Variants in NIPSNAP3B observed in about 807,000 individuals in gnomAD.
NIPSNAP3B encodes nipsnap homolog 3B, also known as protein NipSnap homolog 3B.
In NIPSNAP3B, 30 loss-of-function variants were observed where a neutral mutation model predicts 31.5. The ratio of observed to expected loss-of-function variants is 0.95; its 90% confidence interval spans 0.71 to 1.29. The LOEUF is 1.29. NIPSNAP3B is among the 50% of genes most tolerant of loss of function. The probability of loss-of-function intolerance (pLI) is 0.00; values close to 1 mark genes in which losing one functional copy is unlikely to be tolerated. For synonymous variants in NIPSNAP3B, 106 were observed against 107.9 expected (o/e 0.98, Z 0.11); for missense variants, 269 against 300.7 (o/e 0.89, Z 0.78).
chr9:104,790,096 C>CAAA, the NIPSNAP3B span, among the ~76,000 whole-genome samples: 5 of 135,368 alleles, frequency 3.7e-5, no homozygotes, highest in African/African-American at 1.0e-4. Flanking sequence ...AACTCCGTCT[C>CAAA]AAAAAAAAAA....
intron 2 of NIPSNAP3B, among the ~76,000 whole-genome samples, chr9:104,767,361 G>C (rs1466772558): frequency 1.3e-5 from 2 of 152,050 alleles, no homozygotes; most frequent in Non-Finnish European, 2.9e-5. Flanking sequence ...GTTTAGTAGA[G>C]GAAAGAGAAC....
intron 4 of NIPSNAP3B, 55 bp from the exon 5 acceptor site, chr9:104,772,767 T>G (rs1828251447): frequency 6.5e-7 from 1 of 1,548,608 alleles, no homozygotes; most frequent in African/African-American, 1.4e-5. Flanking sequence ...TTTTCAATAT[T>G]TCTTATTTGC....
rs575441928 is a variant in NIPSNAP3B at position 104,777,153 on chromosome 9, C to T, written c.*4080C>T. Reference sequence around the variant, plus strand: ...GAAGAGAAACAGATATGCAACCAATCTGATTTGGTTCCACACCCTGCCACA... The same window carrying T: ...GAAGAGAAACAGATATGCAACCAATTTGATTTGGTTCCACACCCTGCCACA... On this transcript the variant is annotated 3_prime_UTR_variant, in exon 6 of 6. Coordinates refer to ENST00000374762, the MANE Select transcript of NIPSNAP3B (RefSeq NM_018376.4). 6.6e-6 allele frequency: 1 copy of T among 152,322 alleles called. No homozygotes were observed. Among genetic ancestry groups the T allele is most frequent in the South Asian group, 2.1e-4 (1 of 4,828 alleles). The allele number at this position is 152,322 out of a possible 1,614,324, so 9.4% of individuals were successfully genotyped here.
In NIPSNAP3B at chr9:104,776,723, A is replaced by G. The variant is rs1289215470; in HGVS notation, c.*3650A>G. ...TCTTTTTCTGTTATCACCATAATTA[A>G]TGTTTTACTTATATATGATTTGTTA... On this transcript the variant is annotated 3_prime_UTR_variant, in exon 6 of 6. Coordinates refer to ENST00000374762, the MANE Select transcript of NIPSNAP3B (RefSeq NM_018376.4). Among the ~76,000 whole-genome samples the G allele has an allele frequency of 6.6e-6, 1 of 152,188 alleles. No homozygotes were observed. The highest frequency in any genetic ancestry group is 1.5e-5 in the Non-Finnish European group (1 of 68,042).
At chr9:104,779,672 G>GT (rs1434870355), downstream of NIPSNAP3B, among the ~76,000 whole-genome samples, 1 of 148,784 alleles carries the variant, frequency 6.7e-6, no homozygotes, top group Admixed American at 6.7e-5. Context: ...AAAGTGCCAA[G>GT]TTTTTTGAAT....
At position 104,772,883 on chromosome 9, in the gene NIPSNAP3B, T is replaced by C. The variant is rs748541665; in HGVS notation, c.642T>C (p.His214=). Residue 214 remains histidine, a synonymous_variant, in exon 5 of 6, where the codon CAT becomes CAC. Transcript: ENST00000374762. ...GTGCAGCTGGGAGACATAAGTCCCA[T>C]GAGGATCCCAGAGTTGTGGCGGCTG... is the stretch of plus-strand genomic sequence containing the variant. ...DSRAAGRHKS[H]EDPRVVAAVR... is the part of the protein sequence containing the mutation. 4.3e-6 allele frequency: 7 copies of C among 1,613,706 alleles called. No homozygotes were observed. The highest frequency in any genetic ancestry group is 5.9e-6 in the Non-Finnish European group (7 of 1,179,812).
the NIPSNAP3B span, among the ~76,000 whole-genome samples, chr9:104,789,930 C>T: frequency 0.014 from 2,080 of 152,150 alleles, 21 homozygotes; most frequent in Non-Finnish European, 0.021. Flanking sequence ...CCCATCTCTA[C>T]TGAAAATACA....
downstream of NIPSNAP3B, among the ~76,000 whole-genome samples, chr9:104,777,935 AC>A (rs1483244134): frequency 6.6e-6 from 1 of 152,194 alleles, no homozygotes; most frequent in Non-Finnish European, 1.5e-5. Flanking sequence ...CTCTGTCTTA[AC>A]AAATTCAATA....
the NIPSNAP3B span, among the ~76,000 whole-genome samples, chr9:104,786,007 G>A: frequency 6.6e-6 from 1 of 152,076 alleles, no homozygotes; most frequent in Non-Finnish European, 1.5e-5. Context: ...CACCAGTACT[G>A]GCACATGTAA....
At position 104,764,252 on chromosome 9, in the gene NIPSNAP3B, C is replaced by G. The variant is rs756699905; in HGVS notation, c.12C>G (p.Leu4=). The G allele has an allele frequency of 1.2e-6, 2 of 1,601,510 alleles. No homozygotes were observed. Among genetic ancestry groups the G allele is most frequent in the Non-Finnish European group, 1.7e-6 (2 of 1,175,914 alleles). MLV[L]RSGLTKALAS... ...GCCGAAGCCGCGCCATGCTCGTTCTCAGAAGCGGCCTGACCAAGGCGCTTG... is the reference window on the plus strand; with the variant it reads ...GCCGAAGCCGCGCCATGCTCGTTCTGAGAAGCGGCCTGACCAAGGCGCTTG... The change falls in exon 1 of 6, where the codon CTC becomes CTG. Residue 4 remains leucine, a synonymous_variant. Transcript: ENST00000374762.
chr9:104,764,221 C>G lies in NIPSNAP3B; in HGVS notation c.-20C>G. 3.8e-6 allele frequency: 6 copies of G among 1,597,936 alleles called. No homozygotes were observed. Among genetic ancestry groups the G allele is most frequent in the Non-Finnish European group, 5.1e-6 (6 of 1,174,116 alleles). ...ACAAAGGACTCGGCTGGCTGCTTTT[C>G]TCAGTGCCGAAGCCGCGCCATGCTC... On this transcript the variant is annotated 5_prime_UTR_variant, in exon 1 of 6. Transcript: ENST00000374762.
rs1828285193 is a variant in NIPSNAP3B at position 104,774,112 on chromosome 9, C to CA, written c.*1040dup. On this transcript the variant is annotated 3_prime_UTR_variant, in exon 6 of 6. Coordinates refer to ENST00000374762, the MANE Select transcript of NIPSNAP3B (RefSeq NM_018376.4). ...TGGTACTTCCGATAGTGTATATTTA[C>CA]AGCTATATTATATTTACATTTTTAC... is the stretch of plus-strand genomic sequence containing the variant. The CA allele has an allele frequency of 6.6e-6, 1 of 152,166 alleles. No homozygotes were observed. The highest frequency in any genetic ancestry group is 1.5e-5 in the Non-Finnish European group (1 of 68,018). 9.4% of individuals were successfully genotyped at this position (152,166 alleles called of 1,614,324 possible).
chr9:104,789,212 T>C, the NIPSNAP3B span, among the ~76,000 whole-genome samples: 8 of 152,214 alleles, frequency 5.3e-5, no homozygotes, highest in Admixed American at 2.0e-4. Context: ...GAATTAGGAT[T>C]GAGGCACACG....
At chr9:104,770,595 T>C (rs1828194126) in intron 3 of NIPSNAP3B, among the ~76,000 whole-genome samples, 1 of 152,232 alleles carries the variant, frequency 6.6e-6, no homozygotes, top group African/African-American at 2.4e-5. Context: ...GTAGTTTATA[T>C]ATAGCTTCCA....
chr9:104,783,511 T>C, the NIPSNAP3B span: 1 of 152,260 alleles, frequency 6.6e-6, no homozygotes, highest in Non-Finnish European at 1.5e-5. Flanking sequence ...TGTTGATTCT[T>C]TGCCTCTTAC....
Position 104,777,379 on chromosome 9 carries a change from A to G in NIPSNAP3B, c.*4306A>G, listed in dbSNP as rs766318861. Reference sequence around the variant, plus strand: ...TAGGTTCATTAGAGACACCTCTTTCATAACTGCTGTCACCTAGAATGTCTA... The same window carrying G: ...TAGGTTCATTAGAGACACCTCTTTCGTAACTGCTGTCACCTAGAATGTCTA... On this transcript the variant is annotated 3_prime_UTR_variant, in exon 6 of 6. Transcript: ENST00000374762. 1.2e-4 allele frequency: 19 copies of G among 152,232 alleles called. No individual in the cohort carries two copies. The highest frequency in any genetic ancestry group is 2.5e-4 in the Non-Finnish European group (17 of 68,048). The allele number at this position is 152,232 out of a possible 1,614,324, so 9.4% of individuals were successfully genotyped here.
the NIPSNAP3B span, chr9:104,782,929 T>A: frequency 6.6e-6 from 1 of 152,472 alleles, no homozygotes; most frequent in South Asian, 2.1e-4. Flanking sequence ...TGTAAACCAG[T>A]GAGCTGAATA....
chr9:104,788,337 G>T, the NIPSNAP3B span: 27 of 1,567,838 alleles, frequency 1.7e-5, no homozygotes, highest in African/African-American at 8.1e-5. Flanking sequence ...AGGAAAAACA[G>T]CCTGAAGTCA....
At chr9:104,782,756 G>A (rs1037899781), downstream of NIPSNAP3B, 3 of 151,632 alleles carry the variant, frequency 2.0e-5, no homozygotes, top group African/African-American at 7.3e-5. Context: ...GTGTTTTTCA[G>A]CAAGTTTTCA....
Sources: gnomAD v4.1 joint callset for allele counts (sites outside exome capture counted in the v4.1 genomes callset) on GRCh38, gnomAD v4.1.1 for gene constraint, MANE v1.5 for transcripts, NCBI Gene and HGNC (gene_info 2026-07-23, HGNC 2026-07-21) for gene names.